Variants in CRAT observed in about 807,000 individuals in gnomAD.
CRAT encodes the protein carnitine acetylase.
CRAT carries 66 observed loss-of-function variants against 73.7 expected under a neutral mutation model. The observed-to-expected ratio is 0.90, with a 90% CI of 0.73 to 1.10. The LOEUF is 1.10. Ranked by LOEUF, CRAT falls within the 50% of genes least tolerant of loss-of-function variation. The pLI is 0.00. For missense variants in CRAT, 745 were observed against 846.9 expected, an observed-to-expected ratio of 0.88 and a Z score of 1.49; for synonymous variants, 321 against 343.2, an observed-to-expected ratio of 0.94 and a Z score of 0.71.
rs777404087 is a variant in CRAT at position 129,095,480 on chromosome 9, C to A, written c.1798G>T (p.Ala600Ser). The change falls in exon 14 of 14, where the codon GCC (alanine) becomes TCC (serine). Residue 600 changes from alanine (A) to serine (S), a missense_variant. Ala to Ser is a moderately conservative substitution (Grantham distance 99, BLOSUM62 1). Transcript: ENST00000318080. ...SAYNSCAETN[A>S]ARLAHYLEKA... ...TCCAGGTAATGCGCCAGGCGGGCGG[C>A]GTTGGTCTCCGCGCAGCTGTTGTAG... 1 of 1,613,320 alleles carries A rather than the reference C, an allele frequency of 6.2e-7. No individual in the cohort carries two copies. The highest frequency in any genetic ancestry group is 8.5e-7 in the Non-Finnish European group (1 of 1,180,008).
chr9:129,098,173 G>GC (rs1564158393), intron 10 of CRAT, 25 bp from the exon 11 acceptor site: 1 of 1,613,130 alleles, frequency 6.2e-7, no homozygotes, highest in Non-Finnish European at 8.5e-7. Context: ...GGCTAAGCAC[G>GC]CCCCTTGGAG....
At position 129,110,686 on chromosome 9, in the gene CRAT, G is replaced by A; in HGVS notation, c.-177C>T. ...CCCGCGCCCACCCTCTGGGCCGAGC[G>A]GGCTGCGGGAAGGCACCCGGGGAGG... is the stretch of plus-strand genomic sequence containing the variant. On this transcript the variant is annotated 5_prime_UTR_variant, in exon 1 of 14. Coordinates refer to ENST00000318080, the MANE Select transcript of CRAT (RefSeq NM_000755.5). This position sits in a 1 kb window ranked among gnomAD's most constrained non-coding sequence, Gnocchi z 5.3. 1 of 809,538 alleles carries A rather than the reference G, an allele frequency of 1.2e-6. No individual in the cohort carries two copies. The highest frequency in any genetic ancestry group is 3.3e-5 in the East Asian group (1 of 30,450). 50.1% of individuals were successfully genotyped at this position (809,538 alleles called of 1,614,324 possible). A position where few individuals can be genotyped will look rare whatever the true frequency, so the allele number is the denominator to read the frequency against.
At chr9:129,098,228 G>A in intron 10 of CRAT, 21 bp downstream of exon 10, 1 of 1,613,360 alleles carries the variant, frequency 6.2e-7, no homozygotes, top group Non-Finnish European at 8.5e-7. Context: ...CCTCCTCCAT[G>A]GGTGGGCCAC....
At position 129,106,274 on chromosome 9, in the gene CRAT, G is replaced by T. The variant is rs959222485; in HGVS notation, c.291+1540C>A. Among the ~76,000 whole-genome samples, 3 of 152,188 alleles carry T rather than the reference G, an allele frequency of 2.0e-5. No individual in the cohort carries two copies. Among genetic ancestry groups the T allele is most frequent in the Admixed American group, 2.0e-4 (3 of 15,272 alleles). ...GCCGAGGGCTTCCTTGAGAGCTGCT[G>T]TGTGGCTCTGGGCTTTTGGGCCACC... On this transcript the variant is annotated intron_variant, in intron 2 of 13. Transcript: ENST00000318080. This position sits in a 1 kb window ranked among gnomAD's most constrained non-coding sequence, Gnocchi z 4.0.
rs1193254715 is a variant in CRAT at position 129,110,697 on chromosome 9, A to G, written c.-188T>C. 1 of 695,916 alleles carries G rather than the reference A, an allele frequency of 1.4e-6. No individual in the cohort carries two copies. The highest frequency in any genetic ancestry group is 2.2e-6 in the Non-Finnish European group (1 of 457,706). 43.1% of individuals were successfully genotyped at this position (695,916 alleles called of 1,614,324 possible). On this transcript the variant is annotated 5_prime_UTR_variant, in exon 1 of 14. Coordinates refer to ENST00000318080, the MANE Select transcript of CRAT (RefSeq NM_000755.5). This position sits in a 1 kb window ranked among gnomAD's most constrained non-coding sequence, Gnocchi z 5.3. ...CCTCTGGGCCGAGCGGGCTGCGGGAAGGCACCCGGGGAGGAGGACTCGCGA... is the reference window on the plus strand; with the variant it reads ...CCTCTGGGCCGAGCGGGCTGCGGGAGGGCACCCGGGGAGGAGGACTCGCGA...
chr9:129,109,953 G>A (rs1848301224), intron 1 of CRAT, among the ~76,000 whole-genome samples: 1 of 151,500 alleles, frequency 6.6e-6, no homozygotes, highest in South Asian at 2.1e-4. Flanking sequence ...GAAGGGGGCT[G>A]GAGGGGAGGG....
At chr9:129,097,216 G>A (rs1170223215) in intron 12 of CRAT, 34 bp downstream of exon 12, 1 of 1,525,524 alleles carries the variant, frequency 6.6e-7, no homozygotes. Flanking sequence ...TGACACTAAG[G>A]GACAAGTGAG....
In CRAT at chr9:129,110,381, G is replaced by A. The variant is rs1352407910; in HGVS notation, c.27+102C>T. 3 of 1,263,464 alleles carry A rather than the reference G, an allele frequency of 2.4e-6. No individual in the cohort carries two copies. The highest frequency in any genetic ancestry group is 3.2e-6 in the Non-Finnish European group (3 of 948,056). The allele number at this position is 1,263,464 out of a possible 1,614,324, so 78.3% of individuals were successfully genotyped here. ...ACCCCACCCCATCAGCTGGAGGCCG[G>A]GTCGAACAGCGGCCGCAGGACGCGG... On this transcript the variant is annotated intron_variant, in intron 1 of 13. Transcript: ENST00000318080. The surrounding 1 kb of genome is among the most constrained non-coding windows in gnomAD (Gnocchi z 5.3).
At chr9:129,100,320 A>C (rs752747144) in intron 7 of CRAT, 191 bp downstream of exon 7, 6 of 694,886 alleles carry the variant, frequency 8.6e-6, no homozygotes, top group Non-Finnish European at 1.4e-5. Context: ...AGCGGTTTCC[A>C]GGCCAGAGGC....
intron 11 of CRAT, chr9:129,097,758 G>A (rs1847373839): frequency 2.0e-6 from 1 of 507,126 alleles, no homozygotes; most frequent in African/African-American, 1.9e-5. Context: ...CCAACTCCTT[G>A]GTCCTCAGCC....
intron 3 of CRAT, 151 bp downstream of exon 3, chr9:129,104,037 C>A: frequency 1.7e-6 from 1 of 582,114 alleles, no homozygotes. Flanking sequence ...GCCTCAATTT[C>A]CCCATTTGTA....
chr9:129,101,732 C>A, intron 6 of CRAT, 151 bp downstream of exon 6: 1 of 990,850 alleles, frequency 1.0e-6, no homozygotes, highest in Non-Finnish European at 1.5e-6. Context: ...GCAACTGGCC[C>A]CTGGCTCCCA....
At chr9:129,100,441 C>T (rs1847589897) in intron 7 of CRAT, 70 bp downstream of exon 7, 2 of 1,506,768 alleles carry the variant, frequency 1.3e-6, no homozygotes, top group Non-Finnish European at 1.8e-6. Context: ...CGGGGACGGG[C>T]AGGAAGTCCC....
In CRAT at chr9:129,098,368, C is replaced by G. The variant is rs1847426234; in HGVS notation, c.1209G>C (p.Met403Ile). ...IEKAKQNLSI[M>I]IQDLDITVMV... ...TCACGGTGATATCCAGGTCCTGGAT[C>G]ATGCTGGGGGTGTGGGAAGAGCAGG... Residue 403 changes from methionine to isoleucine, a missense_variant, in exon 10 of 14, where the codon ATG becomes ATC. Coordinates refer to ENST00000318080, the MANE Select transcript of CRAT (RefSeq NM_000755.5). The G allele has an allele frequency of 6.2e-7, 1 of 1,613,786 alleles. No individual in the cohort carries two copies. Among genetic ancestry groups the G allele is most frequent in the East Asian group, 2.2e-5 (1 of 44,886 alleles).
At chr9:129,095,921 G>A (rs1010370332) in intron 13 of CRAT, 77 bp downstream of exon 13, 1 of 1,575,778 alleles carries the variant, frequency 6.3e-7, no homozygotes, top group African/African-American at 1.3e-5. Context: ...TGGGTCAGTG[G>A]GGCCTGTGTA....
chr9:129,103,176 C>T lies in CRAT; in HGVS notation c.411-110G>A, dbSNP rs558289142. The T allele has an allele frequency of 1.9e-5, 18 of 950,940 alleles. No homozygotes were observed. The highest frequency in any genetic ancestry group is 5.2e-5 in the Admixed American group (3 of 57,456). 58.9% of individuals were successfully genotyped at this position (950,940 alleles called of 1,614,324 possible). A position where few individuals can be genotyped will look rare whatever the true frequency, so the allele number is the denominator to read the frequency against. Reference sequence around the variant, plus strand: ...GGTCTAGTCTTCCAGCCTCTCTCACCGCTTCCAGAAAGCCTGGGAGCGCAA... The same window carrying T: ...GGTCTAGTCTTCCAGCCTCTCTCACTGCTTCCAGAAAGCCTGGGAGCGCAA... On this transcript the variant is annotated intron_variant, in intron 3 of 13. Coordinates refer to ENST00000318080, the MANE Select transcript of CRAT (RefSeq NM_000755.5). This position sits in a 1 kb window ranked among gnomAD's most constrained non-coding sequence, Gnocchi z 4.6.
chr9:129,102,968 C>T (rs753449723), intron 4 of CRAT, 45 bp downstream of exon 4: 22 of 1,567,452 alleles, frequency 1.4e-5, no homozygotes, highest in Non-Finnish European at 1.8e-5. Context: ...GGTAATTAAG[C>T]AGGCCTGGGC....
chr9:129,108,302 T>C, intron 1 of CRAT: 1 of 1,118,022 alleles, frequency 8.9e-7, no homozygotes, highest in Non-Finnish European at 1.2e-6. Context: ...GCCATGGTTC[T>C]TAGCAAGGCT....
At chr9:129,097,495 G>A (rs1847355440) in intron 11 of CRAT, among the ~76,000 whole-genome samples, 183 bp from the exon 12 acceptor site, 1 of 152,116 alleles carries the variant, frequency 6.6e-6, no homozygotes, top group Non-Finnish European at 1.5e-5. Flanking sequence ...GATCCCTTGA[G>A]GTCAGGAGTT....
Sources: gnomAD v4.1 joint callset for allele counts (sites outside exome capture counted in the v4.1 genomes callset) on GRCh38, gnomAD v4.1.1 for gene constraint, Gnocchi (gnomAD v3.1) non-coding constraint, MANE v1.5 for transcripts, NCBI Gene and HGNC (gene_info 2026-07-23, HGNC 2026-07-21) for gene names.